GNG7: variants seen among roughly 807,000 people sequenced by gnomAD.
The protein encoded by GNG7 is G protein subunit gamma 7.
Under a neutral mutation model 4.0 loss-of-function variants are expected in GNG7, and 1 was observed. The ratio of observed to expected loss-of-function variants is 0.25; its 90% CI spans 0.09 to 1.18. GNG7 has a LOEUF of 1.18. Ranked by LOEUF, GNG7 falls within the 50% of genes most tolerant of loss-of-function variation. The pLI is 0.50. For missense variants in GNG7, 86 were observed against 91.9 expected, an observed-to-expected ratio of 0.94 and a Z score of 0.26; for synonymous variants, 34 against 36.9, an observed-to-expected ratio of 0.92 and a Z score of 0.29.
intron 2 of GNG7, among the ~76,000 whole-genome samples, chr19:2,600,817 G>A (rs749246133): frequency 3.1e-4 from 47 of 151,774 alleles, no homozygotes; most frequent in Non-Finnish European, 5.9e-4. Context: ...CCACCAAAAG[G>A]GTCTCAGAGA....
At chr19:2,642,480 C>G in intron 2 of GNG7, 1 of 342,690 alleles carries the variant, frequency 2.9e-6, no homozygotes, top group South Asian at 2.3e-5. Flanking sequence ...ATCCTCCCAC[C>G]TCAGCCTCTT....
At chr19:2,681,567 C>G (rs532442010) in intron 1 of GNG7, among the ~76,000 whole-genome samples, 4 of 152,266 alleles carry the variant, frequency 2.6e-5, no homozygotes, top group Admixed American at 2.0e-4. Context: ...CATCACCGGG[C>G]CAGATCCTTC....
intron 2 of GNG7, among the ~76,000 whole-genome samples, chr19:2,605,989 C>T (rs1336250816): frequency 2.0e-5 from 3 of 152,162 alleles, no homozygotes; most frequent in Non-Finnish European, 4.4e-5. Flanking sequence ...ATTACTCACA[C>T]GACATACAAA....
chr19:2,690,632 C>T (rs896840152), intron 1 of GNG7, among the ~76,000 whole-genome samples: 3 of 151,432 alleles, frequency 2.0e-5, no homozygotes, highest in Non-Finnish European at 4.4e-5. Context: ...CTTGCTCTGT[C>T]GCCCAGGCTG....
intron 1 of GNG7, among the ~76,000 whole-genome samples, chr19:2,665,716 C>T (rs567414398): frequency 2.0e-5 from 3 of 152,042 alleles, no homozygotes; most frequent in Non-Finnish European, 4.4e-5. Context: ...GAATGCACAT[C>T]GAAGCAGCAT....
chr19:2,606,866 T>G (rs1030727973), intron 2 of GNG7, among the ~76,000 whole-genome samples: 1 of 151,450 alleles, frequency 6.6e-6, no homozygotes, highest in African/African-American at 2.4e-5. Flanking sequence ...ACTAGATAGA[T>G]AGTGCTGGTG....
chr19:2,542,107 CTTTTTTTTTTT>C (rs1175526574), intron 3 of GNG7, among the ~76,000 whole-genome samples: 5 of 64,566 alleles, frequency 7.7e-5, no homozygotes, highest in Admixed American at 6.2e-4. Context: ...GCTGTGTGTT[CTTTTTTTTTTT>C]TTTTTTTTTT....
intron 2 of GNG7, among the ~76,000 whole-genome samples, chr19:2,570,919 T>G (rs1339777870): frequency 6.6e-6 from 1 of 151,558 alleles, no homozygotes. Context: ...TGCCTCAGCC[T>G]CCCCAGTAGC....
intron 2 of GNG7, among the ~76,000 whole-genome samples, chr19:2,556,981 C>T (rs1234626410): frequency 6.6e-6 from 1 of 152,084 alleles, no homozygotes; most frequent in Non-Finnish European, 1.5e-5. Context: ...GACCTAGAGA[C>T]ATCCAGGGGG....
At chr19:2,692,264 T>G (rs1913151180) in intron 1 of GNG7, among the ~76,000 whole-genome samples, 1 of 151,678 alleles carries the variant, frequency 6.6e-6, no homozygotes, top group Non-Finnish European at 1.5e-5. Context: ...GACATCTGCA[T>G]TTGAACTTGG....
intron 4 of GNG7, among the ~76,000 whole-genome samples, chr19:2,520,008 C>T (rs1978299483): frequency 6.6e-6 from 1 of 151,998 alleles, no homozygotes; most frequent in African/African-American, 2.4e-5. Flanking sequence ...GGCGAAACGC[C>T]GTCTCTACTA....
chr19:2,538,015 TGTA>T (rs1421738395), intron 3 of GNG7: 5 of 398,792 alleles, frequency 1.3e-5, no homozygotes, highest in Non-Finnish European at 2.5e-5. Context: ...AGGCGGAGGC[TGTA>T]GTGAGCTATG....
intron 2 of GNG7, among the ~76,000 whole-genome samples, chr19:2,625,906 GC>G (rs1286639669): frequency 9.2e-5 from 14 of 152,114 alleles, no homozygotes; most frequent in African/African-American, 3.4e-4. Flanking sequence ...TCCTGCCTCA[GC>G]CTCCCAAGTA....
At chr19:2,674,403 C>T (rs1983541643) in intron 1 of GNG7, among the ~76,000 whole-genome samples, 1 of 152,034 alleles carries the variant, frequency 6.6e-6, no homozygotes, top group Non-Finnish European at 1.5e-5. Context: ...AGGGCAAGGT[C>T]TCCAAAGGTG....
chr19:2,620,153 G>A (rs900173144), intron 2 of GNG7, among the ~76,000 whole-genome samples: 5 of 145,902 alleles, frequency 3.4e-5, no homozygotes, highest in Admixed American at 2.9e-4. Context: ...GCAGTGAGCC[G>A]AGATCGCGCC....
chr19:2,589,416 T>G (rs1003400692), intron 2 of GNG7, among the ~76,000 whole-genome samples: 1 of 144,642 alleles, frequency 6.9e-6, no homozygotes, highest in Non-Finnish European at 1.5e-5. Context: ...GATGGTGTTT[T>G]GCCATGTTGA....
At chr19:2,627,510 C>T (rs1243964367) in intron 2 of GNG7, among the ~76,000 whole-genome samples, 4 of 152,224 alleles carry the variant, frequency 2.6e-5, no homozygotes, top group Admixed American at 6.5e-5. Flanking sequence ...TGGCAGCCCG[C>T]GTGCTGTAAA....
At chr19:2,658,321 A>G (rs912587530) in intron 1 of GNG7, among the ~76,000 whole-genome samples, 1 of 152,152 alleles carries the variant, frequency 6.6e-6, no homozygotes, top group African/African-American at 2.4e-5. Flanking sequence ...CTGTGAGCTA[A>G]AGGGTCACTG....
intron 2 of GNG7, among the ~76,000 whole-genome samples, chr19:2,584,548 G>A (rs1393597504): frequency 6.7e-6 from 1 of 148,668 alleles, no homozygotes; most frequent in African/African-American, 2.5e-5. Flanking sequence ...AGTGAGGCAT[G>A]ATTGCAACAC....
Sources: allele counts gnomAD v4.1 joint callset (sites outside exome capture counted in the v4.1 genomes callset), GRCh38; gene constraint gnomAD v4.1.1; transcripts MANE v1.5; gene names NCBI Gene and HGNC (gene_info 2026-07-23, HGNC 2026-07-21).